The following PROM1 variants were observed in gnomAD, a reference collection of about 807,000 sequenced individuals.
PROM1 encodes the protein prominin-1.
Under a neutral mutation model 116.9 loss-of-function variants are expected in PROM1, and 105 were observed. The ratio of observed to expected loss-of-function variants is 0.90; its 90% confidence interval spans 0.77 to 1.06. The LOEUF (loss-of-function observed/expected upper bound fraction) is 1.06, where lower values mean the gene tolerates loss of function less well. Ranked by LOEUF, PROM1 falls within the 50% of genes least tolerant of loss-of-function variation. The pLI, the probability that PROM1 is intolerant of heterozygous loss-of-function variation, is 0.00. For missense variants in PROM1, 1,122 were observed against 1,045.2 expected (o/e 1.07, Z -1.01); for synonymous variants, 393 against 387.0 (o/e 1.02, Z -0.18).
Position 15,987,660 on chromosome 4 carries a change from T to C in PROM1, c.2130+3A>G, listed in dbSNP as rs1719803500. 2 of 1,609,894 alleles carry C rather than the reference T, an allele frequency of 1.2e-6. No homozygotes were observed. Among genetic ancestry groups the C allele is most frequent in the African/African-American group, 2.7e-5 (2 of 74,848 alleles). On this transcript the variant is annotated splice_donor_region_variant and intron_variant, in intron 20 of 27. Transcript: ENST00000447510. ...CATGACAGAAAACAAAGTAAACCCTTACCAACAATCCATTCCCTGTGCGTT... is the reference window on the plus strand; with the variant it reads ...CATGACAGAAAACAAAGTAAACCCTCACCAACAATCCATTCCCTGTGCGTT...
In PROM1 at chr4:15,969,132, G is replaced by C. The variant is rs1439630314; in HGVS notation, c.*261C>G. On this transcript the variant is annotated 3_prime_UTR_variant, in exon 28 of 28. Transcript: ENST00000447510. Reference sequence around the variant, plus strand: ...CTAAATAGAAACTCAGTGTAAAAAAGTAAAAAACAAAAATAGACAGGAAGG... The same window carrying C: ...CTAAATAGAAACTCAGTGTAAAAAACTAAAAAACAAAAATAGACAGGAAGG... The C allele has an allele frequency of 6.6e-6, 1 of 152,132 alleles. No homozygotes were observed. Among genetic ancestry groups the C allele is most frequent in the Non-Finnish European group, 1.5e-5 (1 of 67,998 alleles). The allele number at this position is 152,132 out of a possible 1,614,324, so 9.4% of individuals were successfully genotyped here. A position where few individuals can be genotyped will look rare whatever the true frequency, so the allele number is the denominator to read the frequency against.
At chr4:16,004,374 T>C (rs1464746319) in intron 13 of PROM1, among the ~76,000 whole-genome samples, 1 of 152,244 alleles carries the variant, frequency 6.6e-6, no homozygotes, top group Non-Finnish European at 1.5e-5. Context: ...TTAGCCTCCA[T>C]CAATTTGTTG....
intron 11 of PROM1, among the ~76,000 whole-genome samples, chr4:16,013,054 G>A (rs1727325497): frequency 6.6e-6 from 1 of 152,158 alleles, no homozygotes; most frequent in South Asian, 2.1e-4. Flanking sequence ...TGTGGCAGCT[G>A]CTGGCTGGGC....
intron 2 of PROM1, among the ~76,000 whole-genome samples, chr4:16,061,328 T>G (rs1301759462): frequency 6.6e-6 from 1 of 152,232 alleles, no homozygotes; most frequent in South Asian, 2.1e-4. Flanking sequence ...AAGGGCTTCT[T>G]CTAGAATACT....
intron 10 of PROM1, 35 bp from the exon 11 acceptor site, chr4:16,013,373 G>A: frequency 6.0e-6 from 9 of 1,501,936 alleles, no homozygotes; most frequent in Non-Finnish European, 8.3e-6. Context: ...GATGTACACA[G>A]TTAAGTCAAA....
At chr4:16,062,846 A>G (rs1401639082) in intron 2 of PROM1, among the ~76,000 whole-genome samples, 1 of 152,238 alleles carries the variant, frequency 6.6e-6, no homozygotes, top group African/African-American at 2.4e-5. Context: ...AGGAACAGAC[A>G]TGGAAAGATG....
chr4:16,024,924 A>T (rs1730867284), intron 6 of PROM1, among the ~76,000 whole-genome samples: 2 of 152,254 alleles, frequency 1.3e-5, no homozygotes, highest in Non-Finnish European at 2.9e-5. Context: ...TAAGAACCTT[A>T]AAAGTGTTAA....
chr4:16,024,177 G>T, intron 7 of PROM1, 118 bp downstream of exon 7: 1 of 896,054 alleles, frequency 1.1e-6, no homozygotes, highest in Non-Finnish European at 1.8e-6. Context: ...AATAAGGCTA[G>T]GGAATCATCT....
chr4:16,004,840 C>T lies in PROM1; in HGVS notation c.1454+1698G>A, dbSNP rs1408242969. ...CTTTCTTTCTTTCTTTTTCTTCCTT[C>T]CTTCCTTCCTTCCTTCCTTCCTCTC... is the stretch of plus-strand genomic sequence containing the variant. On this transcript the variant is annotated intron_variant, in intron 13 of 27. Coordinates refer to ENST00000447510, the MANE Select transcript of PROM1 (RefSeq NM_006017.3). Among the ~76,000 whole-genome samples, 751 of 117,828 alleles carry T rather than the reference C, an allele frequency of 6.4e-3. 5 individuals are homozygous for T. The highest frequency in any genetic ancestry group is 0.021 in the African/African-American group (692 of 32,982). 77.3% of individuals were successfully genotyped at this position (117,828 alleles called of 152,430 possible).
intron 26 of PROM1, among the ~76,000 whole-genome samples, chr4:15,975,197 C>G (rs762259527): frequency 6.6e-6 from 1 of 152,166 alleles, no homozygotes; most frequent in Non-Finnish European, 1.5e-5. Flanking sequence ...TGAACCCTCA[C>G]AACCCTACGC....
intron 2 of PROM1, among the ~76,000 whole-genome samples, chr4:16,053,998 G>A (rs1261016442): frequency 5.3e-5 from 8 of 152,206 alleles, no homozygotes; most frequent in Admixed American, 5.2e-4. Flanking sequence ...GGAGGCCAAG[G>A]CAGGAGAATC....
At chr4:16,048,954 G>C (rs1430735954) in intron 2 of PROM1, among the ~76,000 whole-genome samples, 2 of 152,270 alleles carry the variant, frequency 1.3e-5, no homozygotes, top group East Asian at 3.9e-4. Flanking sequence ...CAGGGTGAAG[G>C]GACGCTCCAG....
chr4:16,068,789 C>G (rs1281345258), intron 2 of PROM1, among the ~76,000 whole-genome samples: 3 of 152,188 alleles, frequency 2.0e-5, no homozygotes, highest in Non-Finnish European at 4.4e-5. Flanking sequence ...GATGGCCTCT[C>G]AAATTCCATG....
At chr4:16,037,236 A>G (rs989534182) in intron 3 of PROM1, among the ~76,000 whole-genome samples, 7 of 152,230 alleles carry the variant, frequency 4.6e-5, no homozygotes, top group African/African-American at 1.7e-4. Flanking sequence ...GAATATAAAT[A>G]TAAAAGCAAC....
At position 16,015,143 on chromosome 4, in the gene PROM1, C is replaced by T. The variant is rs369477417; in HGVS notation, c.1077+1023G>A. ...GGTGGGTCACCTGAGGTCAGGAATT[C>T]GAGACCAGCCTGGCCAACATGGCAA... On this transcript the variant is annotated intron_variant, in intron 10 of 27. Coordinates refer to ENST00000447510, the MANE Select transcript of PROM1 (RefSeq NM_006017.3). Among the ~76,000 whole-genome samples, 57 of 151,722 alleles carry T rather than the reference C, an allele frequency of 3.8e-4. 1 individual carries two copies. The South Asian group carries it at 7.9e-3, about 21-fold the overall frequency.
intron 4 of PROM1, among the ~76,000 whole-genome samples, chr4:16,035,495 A>G (rs1733745443): frequency 6.6e-6 from 1 of 152,252 alleles, no homozygotes; most frequent in Admixed American, 6.5e-5. Flanking sequence ...GGCCGACTAG[A>G]CGAAGGCCTG....
At chr4:15,984,034 C>T (rs1286371740) in intron 23 of PROM1, among the ~76,000 whole-genome samples, 2 of 152,212 alleles carry the variant, frequency 1.3e-5, no homozygotes, top group Non-Finnish European at 2.9e-5. Flanking sequence ...AGTTTTCTCC[C>T]TGCAGGTCTC....
At chr4:16,033,124 T>C (rs1196635854) in intron 5 of PROM1, among the ~76,000 whole-genome samples, 180 bp downstream of exon 5, 3 of 152,116 alleles carry the variant, frequency 2.0e-5, no homozygotes, top group Non-Finnish European at 2.9e-5. Context: ...TGTCTGATGA[T>C]AATGAGATCC....
chr4:16,011,250 C>G (rs1255118582), intron 11 of PROM1, among the ~76,000 whole-genome samples: 1 of 152,156 alleles, frequency 6.6e-6, no homozygotes, highest in Non-Finnish European at 1.5e-5. Flanking sequence ...CCTTGTTTCC[C>G]TGACACAAAC....
Sources: allele counts gnomAD v4.1 joint callset (sites outside exome capture counted in the v4.1 genomes callset), GRCh38; gene constraint gnomAD v4.1.1; transcripts MANE v1.5; gene names NCBI Gene and HGNC (gene_info 2026-07-23, HGNC 2026-07-21).